Variants in WDFY4 observed in about 807,000 individuals in gnomAD.
The protein encoded by WDFY4 is WD repeat- and FYVE domain-containing protein 4.
WDFY4 carries 169 observed loss-of-function variants against 351.9 expected under a neutral mutation model. That is an observed-to-expected ratio of 0.48 (90% CI 0.42 to 0.55). The LOEUF is 0.55. Among genes scored for constraint, WDFY4 ranks in the 20% least tolerant of loss-of-function variants. The pLI, the probability that WDFY4 is intolerant of heterozygous loss-of-function variation, is 0.00. For missense variants in WDFY4, 3,803 were observed against 3,935.6 expected, an observed-to-expected ratio of 0.97 and a Z score of 0.90; for synonymous variants, 1,622 against 1,574.6, an observed-to-expected ratio of 1.03 and a Z score of -0.71.
At chr10:48,857,794 AT>A (rs956906848) in intron 39 of WDFY4, among the ~76,000 whole-genome samples, 3 of 149,978 alleles carry the variant, frequency 2.0e-5, no homozygotes, top group East Asian at 2.0e-4. Flanking sequence ...TTACTTGTTG[AT>A]TTTTTTTTCT....
intron 41 of WDFY4, among the ~76,000 whole-genome samples, chr10:48,874,839 T>G (rs1307159628): frequency 6.6e-6 from 1 of 152,204 alleles, no homozygotes; most frequent in Non-Finnish European, 1.5e-5. Flanking sequence ...GGCCTCTTCT[T>G]TGGTAATTAC....
chr10:48,748,581 C>A (rs1369273208), intron 12 of WDFY4, among the ~76,000 whole-genome samples: 2 of 152,196 alleles, frequency 1.3e-5, no homozygotes, highest in Non-Finnish European at 2.9e-5. Context: ...CAATGGACTG[C>A]GTCAGTCCTG....
chr10:48,736,653 A>G (rs147423248), intron 11 of WDFY4, among the ~76,000 whole-genome samples: 6 of 152,338 alleles, frequency 3.9e-5, no homozygotes, highest in Non-Finnish European at 8.8e-5. Flanking sequence ...CAATTGTGAT[A>G]CAACCCTTGC....
Position 48,966,616 on chromosome 10 carries a change from C to A in WDFY4, c.8527C>A (p.Pro2843Thr), listed in dbSNP as rs1170977851. 1 of 1,551,950 alleles carries A rather than the reference C, an allele frequency of 6.4e-7. No individual in the cohort carries two copies. Among genetic ancestry groups the A allele is most frequent in the Non-Finnish European group, 8.7e-7 (1 of 1,147,040 alleles). ...VSTPVSLPGH[P>T]QPFFYSLQSL... ...CACCCCCGTGAGCCTGCCTGGCCAC[C>A]CACAGCCCTTTTTCTACAGCCTGCA... The change falls in exon 55 of 62, where the codon CCA becomes ACA. Residue 2843 changes from proline (P) to threonine (T), a missense_variant. Pro to Thr is a conservative substitution (Grantham distance 38). Transcript: ENST00000325239.
intron 39 of WDFY4, among the ~76,000 whole-genome samples, chr10:48,850,832 C>T (rs750245184): frequency 3.3e-5 from 5 of 152,284 alleles, no homozygotes; most frequent in Admixed American, 6.5e-5. Context: ...CTCTCCCTGG[C>T]CTCACCAAGA....
chr10:48,942,826 A>C lies in WDFY4; in HGVS notation c.7630-504A>C, dbSNP rs1478169583. Among the ~76,000 whole-genome samples the C allele has an allele frequency of 2.0e-5, 3 of 152,306 alleles. No homozygotes were observed. In the East Asian group the frequency reaches 5.8e-4, roughly 29 times the overall value. On this transcript the variant is annotated intron_variant, in intron 48 of 61. Transcript: ENST00000325239. ...TTTGTGACTGTTCATCTGGAGGCAGAGGGCCCTTAAGAGTGAGCATCACCC... is the reference window on the plus strand; with the variant it reads ...TTTGTGACTGTTCATCTGGAGGCAGCGGGCCCTTAAGAGTGAGCATCACCC...
At chr10:48,807,669 CTT>C (rs1291524789) in intron 27 of WDFY4, among the ~76,000 whole-genome samples, 188 bp from the exon 28 acceptor site, 2 of 152,040 alleles carry the variant, frequency 1.3e-5, no homozygotes, top group African/African-American at 4.8e-5. Context: ...TTAAAGGAAA[CTT>C]CAGTAACATT....
intron 5 of WDFY4, among the ~76,000 whole-genome samples, chr10:48,723,908 C>A (rs1471543983): frequency 6.6e-6 from 1 of 151,938 alleles, no homozygotes; most frequent in Non-Finnish European, 1.5e-5. Flanking sequence ...AGCATGGGGT[C>A]TGGGGTCATA....
chr10:48,718,508 G>A (rs900112336), intron 2 of WDFY4, among the ~76,000 whole-genome samples: 1 of 152,230 alleles, frequency 6.6e-6, no homozygotes, highest in African/African-American at 2.4e-5. Context: ...GAGCTTAAGC[G>A]AAAGTGGACG....
intron 39 of WDFY4, among the ~76,000 whole-genome samples, chr10:48,847,612 G>A (rs1231983120): frequency 1.3e-5 from 2 of 152,126 alleles, no homozygotes; most frequent in African/African-American, 2.4e-5. Context: ...GAGAATAGGC[G>A]AGTTCAGGGA....
intron 2 of WDFY4, among the ~76,000 whole-genome samples, chr10:48,717,509 T>TA (rs2063946346): frequency 6.6e-6 from 1 of 152,224 alleles, no homozygotes; most frequent in Non-Finnish European, 1.5e-5. Flanking sequence ...ACACATTCTA[T>TA]AGCTCATTCC....
At chr10:48,746,393 C>T (rs1472314553) in intron 12 of WDFY4, among the ~76,000 whole-genome samples, 1 of 152,028 alleles carries the variant, frequency 6.6e-6, no homozygotes, top group Non-Finnish European at 1.5e-5. Flanking sequence ...TTAGTTCGTG[C>T]CTGGGATTTT....
intron 47 of WDFY4, among the ~76,000 whole-genome samples, chr10:48,920,843 A>G (rs1472763188): frequency 1.3e-5 from 2 of 152,228 alleles, no homozygotes; most frequent in African/African-American, 2.4e-5. Context: ...CAAAACACCC[A>G]TTGCATTTCC....
intron 51 of WDFY4, among the ~76,000 whole-genome samples, chr10:48,952,550 C>T (rs925159170): frequency 1.3e-5 from 2 of 152,178 alleles, no homozygotes; most frequent in East Asian, 1.9e-4. Context: ...CATTATTGAA[C>T]AACGGAGCCT....
intron 47 of WDFY4, among the ~76,000 whole-genome samples, chr10:48,906,174 G>A (rs12761986): frequency 0.14 from 20,766 of 152,200 alleles, 1,583 homozygotes; most frequent in Middle Eastern, 0.21. Context: ...ACCTATAAAC[G>A]AGGTGTGTGT....
chr10:48,778,907 A>G, intron 18 of WDFY4, 75 bp downstream of exon 18: 2 of 1,478,544 alleles, frequency 1.4e-6, no homozygotes, highest in Non-Finnish European at 1.8e-6. Flanking sequence ...CTCTCAACAC[A>G]GGTGTGGTTA....
chr10:48,919,257 G>A (rs1377288730), intron 47 of WDFY4, among the ~76,000 whole-genome samples: 8 of 151,928 alleles, frequency 5.3e-5, no homozygotes, highest in Non-Finnish European at 7.4e-5. Flanking sequence ...GCATTAAAGG[G>A]ATAATAAGAG....
intron 13 of WDFY4, among the ~76,000 whole-genome samples, chr10:48,765,172 T>C (rs1039254037): frequency 3.9e-5 from 6 of 152,220 alleles, no homozygotes; most frequent in Admixed American, 2.0e-4. Context: ...ACCTCGAATG[T>C]TGAGCTAAGA....
At chr10:48,935,283 G>A (rs1450951410) in intron 47 of WDFY4, 1 of 152,250 alleles carries the variant, frequency 6.6e-6, no homozygotes, top group Non-Finnish European at 1.5e-5. Context: ...AGCCTGCAAA[G>A]TGAGAGGACG....
Sources: gnomAD v4.1 joint callset for allele counts (sites outside exome capture counted in the v4.1 genomes callset) on GRCh38, gnomAD v4.1.1 for gene constraint, MANE v1.5 for transcripts, NCBI Gene and HGNC (gene_info 2026-07-23, HGNC 2026-07-21) for gene names.